Variants in ARFGEF2 observed in about 807,000 individuals in gnomAD.
ARFGEF2 encodes the protein brefeldin A-inhibited guanine nucleotide-exchange protein 2.
Under a neutral mutation model 219.9 loss-of-function variants are expected in ARFGEF2, and 74 were observed. The observed-to-expected ratio is 0.34, with a 90% CI of 0.28 to 0.41. ARFGEF2 has a LOEUF of 0.41. Among genes scored for constraint, ARFGEF2 ranks in the 10% least tolerant of loss-of-function variants. ARFGEF2 has a pLI of 1.00. For synonymous variants in ARFGEF2, 733 were observed against 799.2 expected, an observed-to-expected ratio of 0.92 and a Z score of 1.40; for missense variants, 1,743 against 2,218.3, an observed-to-expected ratio of 0.79 and a Z score of 4.30.
chr20:48,926,376 C>G (rs977101422), intron 1 of ARFGEF2, among the ~76,000 whole-genome samples: 2 of 152,002 alleles, frequency 1.3e-5, no homozygotes, highest in Non-Finnish European at 2.9e-5. Context: ...ACTAGGTTTA[C>G]TTTAATTAGG....
At position 48,990,870 on chromosome 20, in the gene ARFGEF2, C is replaced by T. The variant is rs2091353635; in HGVS notation, c.2815-170C>T. ...TGCATAGATACCTCTGCAAGATGTTCCAAAAGCAAGAGGGCATTAGCATGG... is the reference window on the plus strand; with the variant it reads ...TGCATAGATACCTCTGCAAGATGTTTCAAAAGCAAGAGGGCATTAGCATGG... On this transcript the variant is annotated intron_variant, in intron 20 of 38. Coordinates refer to ENST00000371917, the MANE Select transcript of ARFGEF2 (RefSeq NM_006420.3). 2.0e-5 allele frequency among the ~76,000 whole-genome samples: 3 copies of T among 152,146 alleles called. No homozygotes were observed. The South Asian group carries it at 6.2e-4, about 32-fold the overall frequency.
chr20:48,988,250 T>C (rs2091337379), intron 16 of ARFGEF2, 54 bp from the exon 17 acceptor site: 1 of 1,322,860 alleles, frequency 7.6e-7, no homozygotes. Context: ...GTTAGCATTG[T>C]ACCTTCCAAA....
At chr20:48,989,170 C>T (rs187429870) in intron 18 of ARFGEF2, 115 bp from the exon 19 acceptor site, 54 of 1,195,820 alleles carry the variant, frequency 4.5e-5, no homozygotes, top group Middle Eastern at 2.6e-4. Flanking sequence ...AATGGACTCA[C>T]GAGATGGTTG....
chr20:49,036,119 G>T lies in ARFGEF2; in HGVS notation c.*2920G>T, dbSNP rs2091664987. On this transcript the variant is annotated 3_prime_UTR_variant, in exon 39 of 39. Transcript: ENST00000371917. Reference sequence around the variant, plus strand: ...TGACCATCTCATTCAAATGTTTGTTGTTATGATGCAAATGGATATTGGTTT... The same window carrying T: ...TGACCATCTCATTCAAATGTTTGTTTTTATGATGCAAATGGATATTGGTTT... 2 of 398,042 alleles carry T rather than the reference G, an allele frequency of 5.0e-6. No individual in the cohort carries two copies. The highest frequency in any genetic ancestry group is 2.5e-4 in the South Asian group (2 of 7,862). The allele number at this position is 398,042 out of a possible 1,614,324, so 24.7% of individuals were successfully genotyped here.
In ARFGEF2 at chr20:48,972,403, G is replaced by C. The variant is rs1160200211; in HGVS notation, c.1503G>C (p.Gln501His). Residue 501 changes from glutamine to histidine, a missense_variant, in exon 11 of 39, where the codon CAG becomes CAC. Gln to His is a conservative substitution (Grantham distance 24). Transcript: ENST00000371917. ...SSFEHRWMVI[Q>H]TLTRICADAQ... The stretch of plus-strand genomic sequence containing the variant: ...TTGAGCACAGGTGGATGGTCATTCA[G>C]ACTCTGACGAGGATCTGTGCAGGTA... 1 of 1,613,846 alleles carries C rather than the reference G, an allele frequency of 6.2e-7. No individual in the cohort carries two copies. The highest frequency in any genetic ancestry group is 8.5e-7 in the Non-Finnish European group (1 of 1,179,856).
rs376780708 is a variant in ARFGEF2 at position 49,033,328 on chromosome 20, G to A, written c.*129G>A. On this transcript the variant is annotated 3_prime_UTR_variant, in exon 39 of 39. Transcript: ENST00000371917. ...TGGATCTCAGAATGGCCTGGAAACG[G>A]ATGGCCTCTACGCTGTTCCATCACA... 1 of 1,037,894 alleles carries A rather than the reference G, an allele frequency of 9.6e-7. No homozygotes were observed. The highest frequency in any genetic ancestry group is 1.4e-5 in the South Asian group (1 of 73,582). 64.3% of individuals were successfully genotyped at this position (1,037,894 alleles called of 1,614,324 possible).
chr20:48,946,869 A>G (rs1318253420), intron 3 of ARFGEF2, among the ~76,000 whole-genome samples: 1 of 151,816 alleles, frequency 6.6e-6, no homozygotes, highest in African/African-American at 2.4e-5. Context: ...TGGCTTGATC[A>G]TAGCTCACTG....
At chr20:48,950,486 C>G (rs914234126) in intron 3 of ARFGEF2, among the ~76,000 whole-genome samples, 8 of 151,822 alleles carry the variant, frequency 5.3e-5, no homozygotes, top group Non-Finnish European at 1.2e-4. Context: ...AACATGCATA[C>G]AATTCATCCA....
At chr20:48,958,602 A>C (rs2091119766) in intron 6 of ARFGEF2, among the ~76,000 whole-genome samples, 1 of 132,316 alleles carries the variant, frequency 7.6e-6, no homozygotes, top group South Asian at 2.5e-4. Context: ...ACGCCTGGCT[A>C]ATTTTTTTTT....
intron 6 of ARFGEF2, among the ~76,000 whole-genome samples, chr20:48,956,147 T>C (rs2091104202): frequency 6.6e-6 from 1 of 152,206 alleles, no homozygotes; most frequent in Non-Finnish European, 1.5e-5. Context: ...TATTTTTACA[T>C]ATTACTAAAG....
intron 34 of ARFGEF2, 99 bp downstream of exon 34, chr20:49,019,097 C>A: frequency 1.0e-6 from 1 of 999,830 alleles, no homozygotes; most frequent in Non-Finnish European, 1.5e-6. Context: ...CCTTCTTCTG[C>A]CCTGTGCCTC....
intron 23 of ARFGEF2, 56 bp downstream of exon 23, chr20:48,995,938 T>A: frequency 1.4e-6 from 2 of 1,446,870 alleles, no homozygotes; most frequent in Non-Finnish European, 1.9e-6. Flanking sequence ...GTGGCCTCTC[T>A]GTAGTTACTG....
In ARFGEF2 at chr20:48,984,831, C is replaced by T; in HGVS notation, c.2061C>T (p.Arg687=). 1.9e-6 allele frequency: 3 copies of T among 1,612,544 alleles called. No individual in the cohort carries two copies. The highest frequency in any genetic ancestry group is 1.7e-6 in the Non-Finnish European group (2 of 1,180,018). The change falls in exon 15 of 39, where the codon CGC becomes CGT. Residue 687 remains arginine, a synonymous_variant. Transcript: ENST00000371917. ...DIAQFLHQEE[R]LDSTQVGDFL... ...CCCAATTCCTGCACCAGGAGGAGCG[C>T]CTGGATTCCGTAAGGCTTGGGGGTG...
At chr20:49,007,331 C>T (rs914776016) in intron 26 of ARFGEF2, among the ~76,000 whole-genome samples, 21 of 149,226 alleles carry the variant, frequency 1.4e-4, no homozygotes, top group East Asian at 3.9e-4. Flanking sequence ...CTCTTTTTGC[C>T]GAGGCTGGAG....
intron 9 of ARFGEF2, among the ~76,000 whole-genome samples, chr20:48,970,250 G>A (rs530963277): frequency 1.3e-5 from 2 of 152,184 alleles, no homozygotes; most frequent in Admixed American, 6.5e-5. Flanking sequence ...AGGAGGCAGA[G>A]GTTGCAGTGA....
chr20:48,945,975 T>A (rs981674456), intron 3 of ARFGEF2, among the ~76,000 whole-genome samples: 2 of 152,038 alleles, frequency 1.3e-5, no homozygotes, highest in Admixed American at 6.6e-5. Flanking sequence ...ACAAAATGAG[T>A]CATCCTTTTT....
chr20:48,924,511 C>CA (rs11476973), intron 1 of ARFGEF2, among the ~76,000 whole-genome samples: 11,356 of 78,202 alleles, frequency 0.15, 1,055 homozygotes, highest in East Asian at 0.4. Context: ...GACTCTGTCT[C>CA]AAAAAAAAAA....
rs1447546372 is a variant in ARFGEF2, at chr20:49,017,686, AAT to A, written c.4509+141_4509+142del. On this transcript the variant is annotated intron_variant, in intron 33 of 38. Transcript: ENST00000371917. The stretch of plus-strand genomic sequence containing the variant: ...AGATCTAAAAATAGTATATATTCAT[AAT>A]ATATTTTTTAGAAAGTCCAGAAAAG... 1.9e-5 allele frequency: 16 copies of A among 836,278 alleles called. No homozygotes were observed. In the East Asian group the frequency reaches 4.5e-4, roughly 23 times the overall value. The allele number at this position is 836,278 out of a possible 1,614,324, so 51.8% of individuals were successfully genotyped here.
In ARFGEF2 at chr20:48,985,488, C is replaced by G; in HGVS notation, c.2151C>G (p.Phe717Leu). 2 of 1,614,234 alleles carry G rather than the reference C, an allele frequency of 1.2e-6. No homozygotes were observed. Among genetic ancestry groups the G allele is most frequent in the Non-Finnish European group, 1.7e-6 (2 of 1,180,050 alleles). ...VMYAYVDQLD[F>L]CEKEFVSALR... ...ATGCCTACGTGGACCAACTTGACTT[C>G]TGTGAAAAAGAATTTGTCTCAGCCC... The change falls in exon 16 of 39, where the codon TTC (phenylalanine) becomes TTG (leucine). Residue 717 changes from phenylalanine (F) to leucine (L), a missense_variant. Phe to Leu is a conservative substitution (Grantham distance 22). This residue lies in a region of ARFGEF2 where 666 missense variants were observed against 955.4 expected (regional missense o/e 0.70). Coordinates refer to ENST00000371917, the MANE Select transcript of ARFGEF2 (RefSeq NM_006420.3).
Sources: allele counts gnomAD v4.1 joint callset (sites outside exome capture counted in the v4.1 genomes callset), GRCh38; gene constraint gnomAD v4.1.1; regional missense constraint gnomAD v4.1.1; transcripts MANE v1.5; gene names NCBI Gene and HGNC (gene_info 2026-07-23, HGNC 2026-07-21).